Variants in SAP30BP observed in about 807,000 individuals in gnomAD.
SAP30BP encodes SAP30 binding protein, also known as SAP30-binding protein.
A neutral mutation model predicts 46.3 loss-of-function variants in SAP30BP; 31 were observed. The ratio of observed to expected loss-of-function variants is 0.67; its 90% CI spans 0.50 to 0.90. The LOEUF (loss-of-function observed/expected upper bound fraction) is 0.90, where lower values mean the gene tolerates loss of function less well. Ranked by LOEUF, SAP30BP falls within the 40% of genes least tolerant of loss-of-function variation. The pLI is 0.00. For synonymous variants in SAP30BP, 169 were observed against 144.2 expected (o/e 1.17, Z -1.23); for missense variants, 312 against 391.0 (o/e 0.80, Z 1.70).
chr17:75,683,517 C>A (rs867795655), intron 3 of SAP30BP: 1 of 152,046 alleles, frequency 6.6e-6, no homozygotes, highest in South Asian at 2.1e-4. Context: ...TAAGTTAAAT[C>A]CAGAAATAAG....
At chr17:75,686,046 G>A (rs1408721447) in intron 3 of SAP30BP, among the ~76,000 whole-genome samples, 1 of 152,226 alleles carries the variant, frequency 6.6e-6, no homozygotes, top group African/African-American at 2.4e-5. Context: ...CATGTTCCAT[G>A]TAACAACATC....
intron 3 of SAP30BP, among the ~76,000 whole-genome samples, chr17:75,677,106 CTT>C (rs35919373): frequency 0.035 from 3,922 of 113,394 alleles, 116 homozygotes; most frequent in African/African-American, 0.11. Context: ...TGGCAGAAAA[CTT>C]TTTTTTTTTT....
At chr17:75,698,457 C>T (rs1253721736) in intron 4 of SAP30BP, among the ~76,000 whole-genome samples, 3 of 148,886 alleles carry the variant, frequency 2.0e-5, no homozygotes, top group South Asian at 2.1e-4. Flanking sequence ...ACGGGTGGCC[C>T]CAAGCACCTC....
Position 75,667,459 on chromosome 17 carries a change from G to C in SAP30BP, c.87G>C (p.Glu29Asp). The change falls in exon 1 of 11, where the codon GAG becomes GAC. Residue 29 changes from glutamate to aspartate, a missense_variant. Coordinates refer to ENST00000584667, the MANE Select transcript of SAP30BP (RefSeq NM_013260.8). ...AGTCTGATGGCGAGGCTGGAATCGA[G>C]GCGGTGGGCAGCGCGGCTGGTAAGG... ...EPESDGEAGI[E>D]AVGSAAEEKG... The C allele has an allele frequency of 6.2e-7, 1 of 1,614,204 alleles. No individual in the cohort carries two copies. The highest frequency in any genetic ancestry group is 1.1e-5 in the South Asian group (1 of 91,084).
At position 75,699,181 on chromosome 17, in the gene SAP30BP, T is replaced by C. The variant is rs536937051; in HGVS notation, c.308-602T>C. On this transcript the variant is annotated intron_variant, in intron 4 of 10. Transcript: ENST00000584667. ...GAGTAAAACCCCCATCTCTTTGTTT[T>C]ATTTTTTTATTTCATTTTATGTATT... 9.2e-5 allele frequency among the ~76,000 whole-genome samples: 14 copies of C among 152,308 alleles called. 1 individual carries two copies. In the South Asian group the frequency reaches 2.9e-3, roughly 32 times the overall value.
chr17:75,678,830 G>A (rs945578408), intron 3 of SAP30BP, among the ~76,000 whole-genome samples: 1 of 152,140 alleles, frequency 6.6e-6, no homozygotes, highest in South Asian at 2.1e-4. Flanking sequence ...GTCTGCTGAG[G>A]GAAAGGCTAA....
chr17:75,684,634 TC>T (rs2060130776), intron 3 of SAP30BP: 2 of 152,228 alleles, frequency 1.3e-5, no homozygotes, highest in Admixed American at 6.5e-5. Flanking sequence ...TTTAGGCTTT[TC>T]CTCAACAACA....
intron 8 of SAP30BP, 35 bp from the exon 9 acceptor site, chr17:75,704,721 G>A (rs1486736710): frequency 1.3e-6 from 2 of 1,569,864 alleles, no homozygotes; most frequent in Non-Finnish European, 1.8e-6. Flanking sequence ...GCTGCTCGGG[G>A]GCCACCTTTG....
chr17:75,703,922 CAGTT>C, intron 8 of SAP30BP, 63 bp downstream of exon 8: 1 of 1,206,222 alleles, frequency 8.3e-7, no homozygotes, highest in Admixed American at 1.7e-5. Flanking sequence ...TTTATCCAGT[CAGTT>C]GGTTATCCAG....
At chr17:75,671,679 A>T in intron 2 of SAP30BP, 137 bp from the exon 3 acceptor site, 4 of 693,062 alleles carry the variant, frequency 5.8e-6, no homozygotes, top group South Asian at 4.7e-5. Context: ...GTTCTGAGTT[A>T]TATGGTAGGG....
chr17:75,674,397 C>T (rs1408853349), intron 3 of SAP30BP, among the ~76,000 whole-genome samples: 3 of 151,946 alleles, frequency 2.0e-5, no homozygotes, highest in South Asian at 2.1e-4. Context: ...TGGGTTCAAG[C>T]GATTCTCCTG....
At position 75,707,981 on chromosome 17, in the gene SAP30BP, T is replaced by G. The variant is rs2060523409; in HGVS notation, c.*1460T>G. On this transcript the variant is annotated 3_prime_UTR_variant, in exon 11 of 11. Coordinates refer to ENST00000584667, the MANE Select transcript of SAP30BP (RefSeq NM_013260.8). ...GCCTGTTTCTTCTCTGAAATCACAG[T>G]AATAAAGCGTCGTAAGATGGTTGGG... 6.6e-6 allele frequency: 1 copy of G among 152,170 alleles called. No individual in the cohort carries two copies. Among genetic ancestry groups the G allele is most frequent in the Admixed American group, 6.5e-5 (1 of 15,270 alleles). 9.4% of individuals were successfully genotyped at this position (152,170 alleles called of 1,614,324 possible). A position where few individuals can be genotyped will look rare whatever the true frequency, so the allele number is the denominator to read the frequency against.
intron 3 of SAP30BP, among the ~76,000 whole-genome samples, chr17:75,686,072 T>C (rs820224): frequency 0.98 from 149,462 of 152,350 alleles, 73,390 homozygotes; most frequent in East Asian, 1. Context: ...CCGTGCTGAG[T>C]CACGTGGGCT....
At chr17:75,672,131 C>T (rs1027412151) in intron 3 of SAP30BP, 4 of 458,404 alleles carry the variant, frequency 8.7e-6, no homozygotes, top group African/African-American at 7.9e-5. Context: ...GGCCAACAAC[C>T]CACTTGCATT....
At chr17:75,682,059 T>A (rs1462888381) in intron 3 of SAP30BP, among the ~76,000 whole-genome samples, 1 of 152,178 alleles carries the variant, frequency 6.6e-6, no homozygotes, top group East Asian at 1.9e-4. Flanking sequence ...ACAGAGTTAT[T>A]TTTTTATAAA....
chr17:75,669,394 G>A (rs1484612327), intron 2 of SAP30BP, among the ~76,000 whole-genome samples: 2 of 152,028 alleles, frequency 1.3e-5, no homozygotes, highest in Non-Finnish European at 2.9e-5. Context: ...ACAGACACCT[G>A]CCATCACGCC....
At chr17:75,687,859 A>T (rs1322077243) in intron 3 of SAP30BP, among the ~76,000 whole-genome samples, 1 of 152,070 alleles carries the variant, frequency 6.6e-6, no homozygotes, top group Non-Finnish European at 1.5e-5. Flanking sequence ...TTAAAACATA[A>T]CAGCTGAAGG....
intron 3 of SAP30BP, among the ~76,000 whole-genome samples, chr17:75,682,200 T>C (rs1231700227): frequency 6.6e-6 from 1 of 152,128 alleles, no homozygotes; most frequent in African/African-American, 2.4e-5. Context: ...TTTTTTTTTT[T>C]TGAGACGGAG....
At chr17:75,683,378 A>G (rs979773405) in intron 3 of SAP30BP, among the ~76,000 whole-genome samples, 1 of 152,038 alleles carries the variant, frequency 6.6e-6, no homozygotes, top group Non-Finnish European at 1.5e-5. Flanking sequence ...AATTTTTTAA[A>G]TATTCCAAAT....
Sources: gnomAD v4.1 joint callset for allele counts (sites outside exome capture counted in the v4.1 genomes callset) on GRCh38, gnomAD v4.1.1 for gene constraint, MANE v1.5 for transcripts, NCBI Gene and HGNC (gene_info 2026-07-23, HGNC 2026-07-21) for gene names.